Variants in CUEDC1 observed in about 807,000 individuals in gnomAD.
The protein encoded by CUEDC1 is CUE domain-containing protein 1.
Under a neutral mutation model 43.7 loss-of-function variants are expected in CUEDC1, and 30 were observed. That is an observed-to-expected ratio of 0.69 (90% CI 0.51 to 0.93). The LOEUF is 0.93. CUEDC1 is among the 40% of genes least tolerant of loss of function. CUEDC1 has a pLI of 0.00. For synonymous variants in CUEDC1, 223 were observed against 223.6 expected (o/e 1.00, Z 0.02); for missense variants, 486 against 549.0 (o/e 0.89, Z 1.15).
At chr17:57,923,998 G>A (rs938663531) in intron 1 of CUEDC1, among the ~76,000 whole-genome samples, 4 of 151,414 alleles carry the variant, frequency 2.6e-5, no homozygotes, top group African/African-American at 9.7e-5. Context: ...TTTTTGAGAT[G>A]AGGTCTTGTT....
intron 1 of CUEDC1, among the ~76,000 whole-genome samples, chr17:57,926,353 G>A (rs770952090): frequency 3.9e-5 from 6 of 152,150 alleles, no homozygotes; most frequent in Non-Finnish European, 8.8e-5. Context: ...GGAGGAAAGA[G>A]CATTGGCCTA....
intron 10 of CUEDC1, among the ~76,000 whole-genome samples, chr17:57,864,647 A>G (rs953315403): frequency 6.6e-6 from 1 of 152,110 alleles, no homozygotes; most frequent in Admixed American, 6.6e-5. Context: ...GCAGTGGATG[A>G]AGGAGGATGG....
chr17:57,949,868 C>G (rs1272335699), intron 1 of CUEDC1, among the ~76,000 whole-genome samples: 1 of 152,084 alleles, frequency 6.6e-6, no homozygotes, highest in African/African-American at 2.4e-5. Flanking sequence ...CCAGCCCTGA[C>G]AGTTTCTCTA....
In CUEDC1 at chr17:57,871,314, G is replaced by A. The variant is rs754107769; in HGVS notation, c.840C>T (p.Asn280=). ...KSKSSSVAVG[N]DFGFSSPVPG... Reference sequence around the variant, plus strand: ...GGACAGGAGAGGAAAAGCCAAAGTCGTTTCCGACAGCCACGCTGCTGGATT... The same window carrying A: ...GGACAGGAGAGGAAAAGCCAAAGTCATTTCCGACAGCCACGCTGCTGGATT... Residue 280 remains asparagine, a synonymous_variant, in exon 6 of 11, where the codon AAC becomes AAT. Coordinates refer to ENST00000577830, the MANE Select transcript of CUEDC1 (RefSeq NM_001271875.2). 34 of 1,613,912 alleles carry A rather than the reference G, an allele frequency of 2.1e-5. No individual in the cohort carries two copies. The highest frequency in any genetic ancestry group is 4.5e-5 in the East Asian group (2 of 44,900).
chr17:57,862,559 C>A lies in CUEDC1; in HGVS notation c.*730G>T, dbSNP rs920164083. 5 of 152,558 alleles carry A rather than the reference C, an allele frequency of 3.3e-5. No individual in the cohort carries two copies. Among genetic ancestry groups the A allele is most frequent in the Non-Finnish European group, 5.9e-5 (4 of 68,188 alleles). The allele number at this position is 152,558 out of a possible 1,614,324, so 9.5% of individuals were successfully genotyped here. Reference sequence around the variant, plus strand: ...CACCCTCCCCATCCCTGCTGGGTGACCGGGAGCTGCTGGGAGTGAGCCCAT... The same window carrying A: ...CACCCTCCCCATCCCTGCTGGGTGAACGGGAGCTGCTGGGAGTGAGCCCAT... On this transcript the variant is annotated 3_prime_UTR_variant, in exon 11 of 11. Transcript: ENST00000577830.
intron 1 of CUEDC1, among the ~76,000 whole-genome samples, chr17:57,934,702 G>A (rs373231618): frequency 1.3e-5 from 2 of 151,866 alleles, no homozygotes; most frequent in South Asian, 4.2e-4. Flanking sequence ...GGGCAGACAT[G>A]CCATCCTTCC....
chr17:57,888,313 T>C (rs897296729), intron 1 of CUEDC1, among the ~76,000 whole-genome samples: 9 of 152,256 alleles, frequency 5.9e-5, no homozygotes, highest in Admixed American at 5.9e-4. Flanking sequence ...ATTGTGGCCA[T>C]CTTCCCATGT....
intron 1 of CUEDC1, among the ~76,000 whole-genome samples, chr17:57,892,229 A>G (rs2074362900): frequency 6.6e-6 from 1 of 152,230 alleles, no homozygotes; most frequent in Admixed American, 6.5e-5. Flanking sequence ...CTCACTTCAC[A>G]GACAAGGGGT....
rs3085786 is a variant in CUEDC1, at chr17:57,887,655, CTTTTTTTT to C, written c.-315-1784_-315-1777del. Among the ~76,000 whole-genome samples the C allele has an allele frequency of 2.4e-3, 140 of 58,038 alleles. 3 individuals are homozygous for C. Among genetic ancestry groups the C allele is most frequent in the African/African-American group, 9.0e-3 (131 of 14,496 alleles). The allele number at this position is 58,038 out of a possible 152,430, so 38.1% of individuals were successfully genotyped here. A position where few individuals can be genotyped will look rare whatever the true frequency, so the allele number is the denominator to read the frequency against. ...TACAGGTACACGCCACCACGCCTGG[CTTTTTTTT>C]TTTTTTTTTTTTTGTATTTTTAATA... On this transcript the variant is annotated intron_variant, in intron 1 of 10. Coordinates refer to ENST00000577830, the MANE Select transcript of CUEDC1 (RefSeq NM_001271875.2).
At chr17:57,878,647 A>T (rs1184344960) in intron 3 of CUEDC1, among the ~76,000 whole-genome samples, 2 of 147,300 alleles carry the variant, frequency 1.4e-5, no homozygotes, top group Non-Finnish European at 3.0e-5. Context: ...AACTACCTTG[A>T]TTATTTATTT....
intron 1 of CUEDC1, among the ~76,000 whole-genome samples, chr17:57,905,249 G>GACACACAC (rs761744709): frequency 0.054 from 6,967 of 127,904 alleles, 319 homozygotes; most frequent in Middle Eastern, 0.1. Flanking sequence ...CTCTCTCTCT[G>GACACACAC]ACACACACAC....
chr17:57,874,671 A>G lies in CUEDC1; in HGVS notation c.465-954T>C, dbSNP rs3785490. 3.3e-5 allele frequency among the ~76,000 whole-genome samples: 5 copies of G among 152,254 alleles called. No homozygotes were observed. The East Asian group carries it at 9.7e-4, about 29-fold the overall frequency. On this transcript the variant is annotated intron_variant, in intron 3 of 10. Transcript: ENST00000577830. The stretch of plus-strand genomic sequence containing the variant: ...AGGACACGTGTTCCGCTGAATCAGG[A>G]AAACGGCACACTGAGAAGGCAGCCG...
intron 1 of CUEDC1, among the ~76,000 whole-genome samples, chr17:57,947,613 AC>A (rs1282381280): frequency 6.6e-6 from 1 of 152,158 alleles, no homozygotes; most frequent in Non-Finnish European, 1.5e-5. Context: ...AGCCAGGCCA[AC>A]ATGGTGAAAC....
chr17:57,905,448 G>A (rs2074521249), intron 1 of CUEDC1, among the ~76,000 whole-genome samples: 1 of 152,182 alleles, frequency 6.6e-6, no homozygotes, highest in Non-Finnish European at 1.5e-5. Context: ...GCTGCACTGG[G>A]GGTGGCAAGC....
chr17:57,905,885 T>C (rs1402518265), intron 1 of CUEDC1, among the ~76,000 whole-genome samples: 1 of 152,260 alleles, frequency 6.6e-6, no homozygotes, highest in Admixed American at 6.5e-5. Flanking sequence ...CTTTGCTTCA[T>C]GTACCTCTGC....
chr17:57,905,557 G>A (rs184212007), intron 1 of CUEDC1, among the ~76,000 whole-genome samples: 203 of 152,324 alleles, frequency 1.3e-3, no homozygotes, highest in Non-Finnish European at 2.4e-3. Flanking sequence ...GCTATGATCT[G>A]GTGAAACACA....
At chr17:57,920,201 G>T (rs1239055328) in intron 1 of CUEDC1, among the ~76,000 whole-genome samples, 1 of 152,190 alleles carries the variant, frequency 6.6e-6, no homozygotes, top group East Asian at 1.9e-4. Context: ...GAGACCAGCA[G>T]CATCAACAGA....
chr17:57,866,504 C>T lies in CUEDC1; in HGVS notation c.1134G>A (p.Val378=), dbSNP rs113517068. 1 of 1,614,212 alleles carries T rather than the reference C, an allele frequency of 6.2e-7. No individual in the cohort carries two copies. Among genetic ancestry groups the T allele is most frequent in the East Asian group, 2.2e-5 (1 of 44,876 alleles). Residue 378 remains valine (V), a synonymous_variant, in exon 10 of 11, where the codon GTG becomes GTA. Transcript: ENST00000577830. Reference sequence around the variant, plus strand: ...ACTGTCCTTCTCGCAGGCCTTCCTCCACCTTGGGTGCCTCCTGACGCCTGC... The same window carrying T: ...ACTGTCCTTCTCGCAGGCCTTCCTCTACCTTGGGTGCCTCCTGACGCCTGC... ...FRGRRQEAPK[V]EEGLREGQ
intron 1 of CUEDC1, among the ~76,000 whole-genome samples, chr17:57,925,893 T>C (rs1402193761): frequency 6.6e-6 from 1 of 152,248 alleles, no homozygotes; most frequent in Non-Finnish European, 1.5e-5. Context: ...AGCGTTCACC[T>C]GACCGCCTGT....
Sources: allele counts gnomAD v4.1 joint callset (sites outside exome capture counted in the v4.1 genomes callset), GRCh38; gene constraint gnomAD v4.1.1; transcripts MANE v1.5; gene names NCBI Gene and HGNC (gene_info 2026-07-23, HGNC 2026-07-21).